OR51B5: variants seen among roughly 807,000 people sequenced by gnomAD.
OR51B5 encodes olfactory receptor family 51 subfamily B member 5, also known as olfactory receptor 51B5.
For synonymous variants in OR51B5, 186 were observed against 144.8 expected (o/e 1.28, Z -2.04); for missense variants, 456 against 374.6 (o/e 1.22, Z -1.79).
chr11:5,379,972 T>C (rs776398909), intron 1 of OR51B5, among the ~76,000 whole-genome samples: 16 of 148,496 alleles, frequency 1.1e-4, no homozygotes, highest in Non-Finnish European at 2.2e-4. Context: ...ACCAGAATCA[T>C]GAACCAAACA....
chr11:5,418,697 C>T (rs576830408), intron 1 of OR51B5, among the ~76,000 whole-genome samples: 2 of 147,454 alleles, frequency 1.4e-5, no homozygotes, highest in South Asian at 2.2e-4. Flanking sequence ...ATGGACACAG[C>T]GAGGGGAGCA....
chr11:5,380,516 G>A (rs772791576), intron 1 of OR51B5, among the ~76,000 whole-genome samples: 8 of 152,120 alleles, frequency 5.3e-5, no homozygotes, highest in Admixed American at 2.0e-4. Flanking sequence ...CCTAAAAAGA[G>A]TCTGTTGTGA....
At chr11:5,353,245 T>A (rs1023688909) in intron 1 of OR51B5, among the ~76,000 whole-genome samples, 4 of 152,178 alleles carry the variant, frequency 2.6e-5, no homozygotes, top group Admixed American at 2.6e-4. Context: ...AAAACTTTGG[T>A]TAACATTTAT....
chr11:5,497,315 G>C (rs12274619), intron 1 of OR51B5, among the ~76,000 whole-genome samples: 17,638 of 152,272 alleles, frequency 0.12, 1,327 homozygotes, highest in Admixed American at 0.19. Flanking sequence ...CAGAGGCTGA[G>C]GCAGGAGAAT....
intron 1 of OR51B5, among the ~76,000 whole-genome samples, chr11:5,496,570 C>A (rs452713): frequency 0.99 from 150,344 of 152,250 alleles, 74,264 homozygotes; most frequent in East Asian, 1. Flanking sequence ...AGATCCTGTC[C>A]CAATCCCGAT....
chr11:5,449,048 A>C (rs994578781), intron 1 of OR51B5, among the ~76,000 whole-genome samples: 2 of 152,176 alleles, frequency 1.3e-5, no homozygotes, highest in African/African-American at 2.4e-5. Context: ...TAAAGCCAGA[A>C]TCTCTTAGGA....
chr11:5,401,855 G>T (rs10557505), intron 1 of OR51B5, among the ~76,000 whole-genome samples: 5 of 12,670 alleles, frequency 3.9e-4, no homozygotes, highest in South Asian at 3.8e-3. Context: ...TTTTTCTTCT[G>T]CTTTTTCTTT....
At chr11:5,460,341 G>A (rs979368790) in intron 1 of OR51B5, among the ~76,000 whole-genome samples, 1 of 152,164 alleles carries the variant, frequency 6.6e-6, no homozygotes, top group Non-Finnish European at 1.5e-5. Context: ...AAATTCCCAT[G>A]ACTCAAGTTT....
chr11:5,375,598 A>G (rs2133711774), intron 1 of OR51B5, among the ~76,000 whole-genome samples: 1 of 152,316 alleles, frequency 6.6e-6, no homozygotes, highest in Admixed American at 6.5e-5. Flanking sequence ...TAGGCTCAAA[A>G]TAAAAGGATG....
At position 5,349,652 on chromosome 11, in the gene OR51B5, ATATACCTATGTACAATTTT is replaced by A. The variant is rs1354975905; in HGVS notation, n.85-2761_85-2743del. 2.0e-5 allele frequency among the ~76,000 whole-genome samples: 3 copies of A among 152,200 alleles called. No individual in the cohort carries two copies. In the East Asian group the frequency reaches 5.8e-4, roughly 29 times the overall value. On this transcript the variant is annotated intron_variant and non_coding_transcript_variant, in intron 1 of 4. Coordinates refer to the OR51B5 transcript ENST00000415970. ...AATACCTATAATAAAACAATAAGTT[ATATACCTATGTACAATTTT>A]TATTTGCCATACTGCTTCTTTAATC...
intron 1 of OR51B5, among the ~76,000 whole-genome samples, chr11:5,409,086 C>T (rs1035272244): frequency 3.3e-5 from 5 of 152,014 alleles, no homozygotes; most frequent in Admixed American, 6.6e-5. Flanking sequence ...CTATGGAAGA[C>T]CAATATTCCT....
intron 1 of OR51B5, among the ~76,000 whole-genome samples, chr11:5,395,684 A>C (rs2723388): frequency 0.34 from 52,336 of 151,902 alleles, 9,215 homozygotes; most frequent in South Asian, 0.42. Context: ...TTCTCTCGAA[A>C]AGAGGCAGGG....
rs1851107636 is a variant in OR51B5 at position 5,464,480 on chromosome 11, C to A, written n.84+41089G>T. Reference sequence around the variant, plus strand: ...GTCCCCAGAGTGTGATATTCCCCTTCCTGTGTCCATGTGATCTCATTGTTC... The same window carrying A: ...GTCCCCAGAGTGTGATATTCCCCTTACTGTGTCCATGTGATCTCATTGTTC... On this transcript the variant is annotated intron_variant and non_coding_transcript_variant, in intron 1 of 4. Transcript: ENST00000415970. Among the ~76,000 whole-genome samples, 8 of 137,364 alleles carry A rather than the reference C, an allele frequency of 5.8e-5. No homozygotes were observed. The South Asian group carries it at 2.1e-3, about 35-fold the overall frequency. The allele number at this position is 137,364 out of a possible 152,430, so 90.1% of individuals were successfully genotyped here.
At chr11:5,487,191 T>G (rs187669483) in intron 1 of OR51B5, among the ~76,000 whole-genome samples, 68 of 152,332 alleles carry the variant, frequency 4.5e-4, no homozygotes, top group African/African-American at 1.6e-3. Context: ...CTGGGATTGG[T>G]CTTTTCATTG....
At chr11:5,408,039 TATG>T (rs1850085860) in intron 1 of OR51B5, among the ~76,000 whole-genome samples, 1 of 152,170 alleles carries the variant, frequency 6.6e-6, no homozygotes, top group Non-Finnish European at 1.5e-5. Context: ...TCACAGGGCT[TATG>T]ATACCTTTTT....
In OR51B5 at chr11:5,429,216, C is replaced by A. The variant is rs188451285; in HGVS notation, n.84+76353G>T. 5.0e-3 allele frequency among the ~76,000 whole-genome samples: 717 copies of A among 144,448 alleles called. 3 individuals carry two copies. The highest frequency in any genetic ancestry group is 0.017 in the African/African-American group (669 of 40,486). The allele number at this position is 144,448 out of a possible 152,430, so 94.8% of individuals were successfully genotyped here. On this transcript the variant is annotated intron_variant and non_coding_transcript_variant, in intron 1 of 4. Transcript: ENST00000415970. ...TGCCCACCAAACTACCCTTGAAAAA[C>A]CCCAGCCTTTGAGAGTTTGGGGAGA... is the stretch of plus-strand genomic sequence containing the variant.
At chr11:5,473,827 A>T (rs1465911211) in intron 1 of OR51B5, among the ~76,000 whole-genome samples, 1 of 151,310 alleles carries the variant, frequency 6.6e-6, no homozygotes, top group Non-Finnish European at 1.5e-5. Flanking sequence ...TAGGACAAAA[A>T]ATTTAATTGT....
chr11:5,479,117 T>C (rs1851367540), intron 1 of OR51B5, among the ~76,000 whole-genome samples: 1 of 149,434 alleles, frequency 6.7e-6, no homozygotes, highest in South Asian at 2.1e-4. Context: ...GAGAGAAAGG[T>C]CGGGTTACCC....
chr11:5,455,296 C>T (rs1850933742), intron 1 of OR51B5: 1 of 151,058 alleles, frequency 6.6e-6, no homozygotes. Flanking sequence ...TAACTGTCTT[C>T]CACAAAATGA....
Sources: allele counts gnomAD v4.1 joint callset (sites outside exome capture counted in the v4.1 genomes callset), GRCh38; gene constraint gnomAD v4.1.1; transcripts MANE v1.5; gene names NCBI Gene and HGNC (gene_info 2026-07-23, HGNC 2026-07-21).